RBFOX1: variants seen among roughly 807,000 people sequenced by gnomAD.
RBFOX1 encodes the protein RNA binding fox-1 homolog 1.
RBFOX1 carries 8 observed loss-of-function variants against 57.7 expected under a neutral mutation model. The ratio of observed to expected loss-of-function variants is 0.14; its 90% CI spans 0.08 to 0.25. The LOEUF (loss-of-function observed/expected upper bound fraction) is 0.25, where lower values mean the gene tolerates loss of function less well. RBFOX1 is among the 10% of genes least tolerant of loss of function. RBFOX1 has a pLI of 1.00. For synonymous variants in RBFOX1, 326 were observed against 222.4 expected (o/e 1.47, Z -4.15); for missense variants, 611 against 548.5 (o/e 1.11, Z -1.14).
intron 4 of RBFOX1, among the ~76,000 whole-genome samples, chr16:5,954,109 G>T (rs897846267): frequency 6.6e-6 from 1 of 152,172 alleles, no homozygotes; most frequent in African/African-American, 2.4e-5. Flanking sequence ...CGAGAATGAC[G>T]CAGTCCAAAC....
chr16:7,710,201 A>ATTTTCATCCCAATTCTGCATTC, intron 15 of RBFOX1: 1 of 1,029,634 alleles, frequency 9.7e-7, no homozygotes, highest in Non-Finnish European at 1.2e-6. Flanking sequence ...GTAGGTTGAG[A>ATTTTCATCCCAATTCTGCATTC]TTTTCATCCC....
chr16:5,585,139 C>T (rs1283471266), intron 2 of RBFOX1, among the ~76,000 whole-genome samples: 1 of 152,140 alleles, frequency 6.6e-6, no homozygotes, highest in Non-Finnish European at 1.5e-5. Context: ...CAAAATAAAA[C>T]CCTGAATCCC....
At chr16:5,493,348 C>T (rs1003554097) in intron 2 of RBFOX1, among the ~76,000 whole-genome samples, 4 of 152,176 alleles carry the variant, frequency 2.6e-5, no homozygotes, top group African/African-American at 9.7e-5. Flanking sequence ...CTATGACCCA[C>T]CATGCTTGTC....
At chr16:7,180,853 T>G (rs2082559841) in intron 4 of RBFOX1, among the ~76,000 whole-genome samples, 1 of 152,208 alleles carries the variant, frequency 6.6e-6, no homozygotes, top group Non-Finnish European at 1.5e-5. Flanking sequence ...TGCTTAAAGC[T>G]CATGACATTG....
intron 1 of RBFOX1, chr16:5,366,697 C>T (rs927627435): frequency 2.5e-6 from 1 of 404,970 alleles, no homozygotes; most frequent in Admixed American, 2.9e-5. Context: ...TTAAGAAAAT[C>T]ATTTAAACAA....
At chr16:6,027,528 A>T (rs2095219223) in intron 1 of RBFOX1, among the ~76,000 whole-genome samples, 1 of 152,186 alleles carries the variant, frequency 6.6e-6, no homozygotes, top group Non-Finnish European at 1.5e-5. Context: ...TCTGAACCTC[A>T]GTCCATCCCT....
chr16:6,161,958 C>T (rs1364991999), intron 1 of RBFOX1, among the ~76,000 whole-genome samples: 1 of 152,212 alleles, frequency 6.6e-6, no homozygotes, highest in East Asian at 1.9e-4. Context: ...CCCTCTCAGT[C>T]CTTCACAGCC....
intron 3 of RBFOX1, among the ~76,000 whole-genome samples, chr16:5,798,756 A>C (rs1316472868): frequency 6.6e-6 from 1 of 152,208 alleles, no homozygotes; most frequent in African/African-American, 2.4e-5. Context: ...AATCTTAATT[A>C]AGTCATGCCA....
At chr16:6,884,075 C>G (rs1272152241) in intron 3 of RBFOX1, among the ~76,000 whole-genome samples, 1 of 152,146 alleles carries the variant, frequency 6.6e-6, no homozygotes. Context: ...GCGGTGGCTG[C>G]TGTGTTATGC....
chr16:6,964,728 A>G (rs977499454), intron 3 of RBFOX1, among the ~76,000 whole-genome samples: 1 of 152,216 alleles, frequency 6.6e-6, no homozygotes, highest in African/African-American at 2.4e-5. Context: ...TAAGGTCCGG[A>G]AGCACTTGTC....
At chr16:6,659,792 G>T (rs2098689699) in intron 3 of RBFOX1, among the ~76,000 whole-genome samples, 1 of 152,154 alleles carries the variant, frequency 6.6e-6, no homozygotes, top group Admixed American at 6.5e-5. Flanking sequence ...CAACAGTGGG[G>T]TGGTCAGATG....
chr16:7,264,570 C>T (rs1220004110), intron 4 of RBFOX1, among the ~76,000 whole-genome samples: 1 of 152,146 alleles, frequency 6.6e-6, no homozygotes, highest in Non-Finnish European at 1.5e-5. Context: ...CAGAAAGTGG[C>T]CACAGATAGA....
At chr16:7,645,373 A>C (rs1568257266) in intron 11 of RBFOX1, among the ~76,000 whole-genome samples, 1 of 152,230 alleles carries the variant, frequency 6.6e-6, no homozygotes, top group East Asian at 1.9e-4. Flanking sequence ...ATCACCCACC[A>C]AGCAGCAGGC....
chr16:6,480,983 A>T (rs938987239), intron 2 of RBFOX1, among the ~76,000 whole-genome samples: 17 of 152,226 alleles, frequency 1.1e-4, no homozygotes, highest in African/African-American at 4.1e-4. Flanking sequence ...TATCACAAGC[A>T]ATAGCAATTA....
At chr16:7,302,893 C>G (rs2096067521) in intron 4 of RBFOX1, among the ~76,000 whole-genome samples, 1 of 151,832 alleles carries the variant, frequency 6.6e-6, no homozygotes, top group Non-Finnish European at 1.5e-5. Flanking sequence ...GGAGGGGAGA[C>G]CCGTTTGCAA....
intron 2 of RBFOX1, among the ~76,000 whole-genome samples, chr16:6,456,636 G>A (rs528098929): frequency 9.0e-4 from 137 of 152,286 alleles, no homozygotes; most frequent in African/African-American, 3.1e-3. Flanking sequence ...AATGGATTGC[G>A]GTGGAAGGAG....
intron 5 of RBFOX1, among the ~76,000 whole-genome samples, chr16:7,567,057 G>A (rs1003088797): frequency 4.0e-5 from 6 of 150,978 alleles, no homozygotes; most frequent in Non-Finnish European, 7.4e-5. Context: ...CTGCCTGAGC[G>A]ACCCACTCTA....
intron 4 of RBFOX1, among the ~76,000 whole-genome samples, chr16:7,438,891 T>G (rs1015321466): frequency 1.3e-5 from 2 of 152,182 alleles, no homozygotes; most frequent in African/African-American, 4.8e-5. Context: ...CTATACTGCA[T>G]GAATCCCCCC....
chr16:5,848,149 A>G (rs565393567), intron 3 of RBFOX1, among the ~76,000 whole-genome samples: 2 of 152,224 alleles, frequency 1.3e-5, no homozygotes, highest in Admixed American at 1.3e-4. Context: ...TACAAACTGC[A>G]TGCAGTTTGC....
Sources: gnomAD v4.1 joint callset for allele counts (sites outside exome capture counted in the v4.1 genomes callset) on GRCh38, gnomAD v4.1.1 for gene constraint, MANE v1.5 for transcripts, NCBI Gene and HGNC (gene_info 2026-07-23, HGNC 2026-07-21) for gene names.